Variants in FSTL5 observed in about 807,000 individuals in gnomAD.
FSTL5 encodes the protein follistatin like 5, also known as follistatin-related protein 5.
In FSTL5, 62 loss-of-function variants were observed where a neutral mutation model predicts 89.1. That is an observed-to-expected ratio of 0.70 (90% CI 0.57 to 0.86). The LOEUF is 0.86. FSTL5 is among the 40% of genes least tolerant of loss of function. The pLI, the probability that FSTL5 is intolerant of heterozygous loss-of-function variation, is 0.00. For missense variants in FSTL5, 1,057 were observed against 1,001.6 expected (o/e 1.06, Z -0.75); for synonymous variants, 383 against 346.2 (o/e 1.11, Z -1.18).
At chr4:161,525,471 A>G (rs1731185899) in intron 10 of FSTL5, among the ~76,000 whole-genome samples, 1 of 152,210 alleles carries the variant, frequency 6.6e-6, no homozygotes, top group Non-Finnish European at 1.5e-5. Context: ...TTGTAAGGTA[A>G]CTAGCTTCAC....
chr4:161,675,870 TTACAAAAGATG>T (rs1272169990), intron 6 of FSTL5, among the ~76,000 whole-genome samples: 2 of 152,058 alleles, frequency 1.3e-5, no homozygotes, highest in Non-Finnish European at 2.9e-5. Context: ...AAAAGAAATA[TTACAAAAGATG>T]TACTAGATTT....
intron 4 of FSTL5, among the ~76,000 whole-genome samples, chr4:161,881,682 T>C (rs936214418): frequency 2.0e-5 from 3 of 152,104 alleles, no homozygotes; most frequent in East Asian, 1.9e-4. Flanking sequence ...ACTGCACTTT[T>C]GTTTTGTTTT....
intron 4 of FSTL5, among the ~76,000 whole-genome samples, chr4:161,788,363 T>A (rs552522303): frequency 2.0e-5 from 3 of 152,168 alleles, no homozygotes; most frequent in Non-Finnish European, 4.4e-5. Context: ...TTATTCCTTT[T>A]ATCTGTAACT....
chr4:161,998,857 AACACACACACACACACACAC>A lies in FSTL5; in HGVS notation c.160+34748_160+34767del, dbSNP rs10585971. On this transcript the variant is annotated intron_variant, in intron 3 of 15. Transcript: ENST00000306100. The stretch of plus-strand genomic sequence containing the variant: ...TGGTGAAGCAGTTAAACACACACAC[AACACACACACACACACACAC>A]ACACACACACACACACGAGTCAGGT... Among the ~76,000 whole-genome samples the A allele has an allele frequency of 2.0e-5, 3 of 146,474 alleles. No individual in the cohort carries two copies. In the Admixed American group the frequency reaches 2.1e-4, roughly 10 times the overall value.
intron 13 of FSTL5, among the ~76,000 whole-genome samples, chr4:161,472,077 C>T (rs187369993): frequency 4.6e-5 from 7 of 151,368 alleles, no homozygotes; most frequent in South Asian, 2.1e-4. Context: ...CCCGGGTTCA[C>T]GCCATTCTCC....
intron 4 of FSTL5, among the ~76,000 whole-genome samples, chr4:161,894,584 C>G (rs190946579): frequency 6.6e-6 from 1 of 152,108 alleles, no homozygotes; most frequent in Non-Finnish European, 1.5e-5. Flanking sequence ...CAGGTTCAAG[C>G]GATTCTGCTT....
intron 6 of FSTL5, among the ~76,000 whole-genome samples, chr4:161,725,213 A>T (rs2126755847): frequency 6.6e-6 from 1 of 152,226 alleles, no homozygotes; most frequent in Non-Finnish European, 1.5e-5. Context: ...AACTCTGAAA[A>T]TTTACTTAAG....
intron 6 of FSTL5, among the ~76,000 whole-genome samples, chr4:161,686,958 A>C (rs1197649714): frequency 6.6e-6 from 1 of 152,208 alleles, no homozygotes; most frequent in Non-Finnish European, 1.5e-5. Flanking sequence ...CAATGATCCT[A>C]TGTTTCTCTG....
chr4:162,050,895 A>G (rs897381296), intron 2 of FSTL5, among the ~76,000 whole-genome samples: 17 of 151,756 alleles, frequency 1.1e-4, no homozygotes, highest in South Asian at 4.1e-4. Context: ...ATAAAATGAA[A>G]GCAGGAAATA....
In FSTL5 at chr4:161,746,509, T is replaced by C. The variant is rs933704779; in HGVS notation, c.727+12902A>G. ...GGGGTAAGGGGCTTGACTGTAGCAT[T>C]TGACAATATCTGTGCTGTAAAGGTT... On this transcript the variant is annotated intron_variant, in intron 6 of 15. Coordinates refer to ENST00000306100, the MANE Select transcript of FSTL5 (RefSeq NM_020116.5). Among the ~76,000 whole-genome samples the C allele has an allele frequency of 3.9e-5, 6 of 152,206 alleles. No individual in the cohort carries two copies. The East Asian group carries it at 1.2e-3, about 29-fold the overall frequency.
chr4:162,111,404 G>T lies in FSTL5; in HGVS notation c.-8C>A. ...TGACCAGCACTTAAACATCCTTATT[G>T]CTTTTCACCTGTCAAAATTAAAATT... On this transcript the variant is annotated 5_prime_UTR_variant, in exon 2 of 16. Coordinates refer to ENST00000306100, the MANE Select transcript of FSTL5 (RefSeq NM_020116.5). 1.3e-6 allele frequency: 2 copies of T among 1,593,632 alleles called. No individual in the cohort carries two copies. The highest frequency in any genetic ancestry group is 1.7e-6 in the Non-Finnish European group (2 of 1,168,078).
intron 4 of FSTL5, among the ~76,000 whole-genome samples, chr4:161,906,270 A>C (rs570949460): frequency 6.4e-4 from 97 of 152,304 alleles, no homozygotes; most frequent in African/African-American, 2.3e-3. Flanking sequence ...AAAGTAAAGA[A>C]ATTCACCAGT....
chr4:161,798,673 C>T (rs1310149000), intron 4 of FSTL5, among the ~76,000 whole-genome samples: 1 of 151,430 alleles, frequency 6.6e-6, no homozygotes, highest in Non-Finnish European at 1.5e-5. Context: ...CAGGTGAACA[C>T]TCAAATTTGA....
intron 4 of FSTL5, among the ~76,000 whole-genome samples, chr4:161,898,468 T>C (rs898339916): frequency 6.6e-5 from 10 of 152,044 alleles, no homozygotes; most frequent in Non-Finnish European, 1.2e-4. Context: ...AGTGCCAAAC[T>C]GTTGTGTCCT....
intron 8 of FSTL5, among the ~76,000 whole-genome samples, chr4:161,569,015 A>T (rs1732913501): frequency 3.9e-5 from 6 of 152,166 alleles, no homozygotes; most frequent in Admixed American, 3.9e-4. Context: ...TTTTCTTATC[A>T]TGGCTTTCTA....
At chr4:162,005,715 G>C (rs1396605552) in intron 3 of FSTL5, among the ~76,000 whole-genome samples, 2 of 152,090 alleles carry the variant, frequency 1.3e-5, no homozygotes, top group African/African-American at 4.8e-5. Context: ...TTGGTGATGT[G>C]TCAAGCATAA....
At chr4:161,732,529 T>C (rs1372810994) in intron 6 of FSTL5, among the ~76,000 whole-genome samples, 1 of 152,018 alleles carries the variant, frequency 6.6e-6, no homozygotes, top group Non-Finnish European at 1.5e-5. Flanking sequence ...TTGTTGTCTA[T>C]AGTTAGTAAT....
chr4:162,094,115 A>G (rs1467186313), intron 2 of FSTL5, among the ~76,000 whole-genome samples: 5 of 152,202 alleles, frequency 3.3e-5, no homozygotes, highest in Non-Finnish European at 7.3e-5. Flanking sequence ...AAGGCTGGGC[A>G]TGGTAACTCA....
intron 6 of FSTL5, among the ~76,000 whole-genome samples, chr4:161,686,977 C>T (rs992293971): frequency 8.6e-5 from 13 of 151,906 alleles, no homozygotes; most frequent in Admixed American, 1.3e-4. Flanking sequence ...TGGCTCCTGC[C>T]GACATTGCGT....
Sources: allele counts gnomAD v4.1 joint callset (sites outside exome capture counted in the v4.1 genomes callset), GRCh38; gene constraint gnomAD v4.1.1; transcripts MANE v1.5; gene names NCBI Gene and HGNC (gene_info 2026-07-23, HGNC 2026-07-21).